The following MAP6 variants were observed in gnomAD, a reference collection of about 807,000 sequenced individuals.
MAP6 encodes the protein microtubule associated protein 6.
Under a neutral mutation model 42.4 loss-of-function variants are expected in MAP6, and 26 were observed. The observed-to-expected ratio is 0.61, with a 90% CI of 0.45 to 0.85. The LOEUF (loss-of-function observed/expected upper bound fraction) is 0.85. Ranked by LOEUF, MAP6 falls within the 40% of genes least tolerant of loss-of-function variation. MAP6 has a pLI of 0.00. For missense variants in MAP6, 966 were observed against 1,099.0 expected (o/e 0.88, Z 1.71); for synonymous variants, 418 against 443.8 (o/e 0.94, Z 0.73).
intron 1 of MAP6, among the ~76,000 whole-genome samples, chr11:75,636,687 G>A (rs926712733): frequency 1.3e-5 from 2 of 152,074 alleles, no homozygotes; most frequent in East Asian, 1.9e-4. Flanking sequence ...ATCACTCCAG[G>A]GCCAGGTACC....
At position 75,667,729 on chromosome 11, in the gene MAP6, TC is replaced by T; in HGVS notation, c.640del (p.Glu214SerfsTer84). ...WPVQAAAEAR[E>X]QEAAPGGAGG... Reference sequence around the variant, plus strand: ...CGCTCCGCCGGGGGCCGCCTCCTGCTCCCGGGCCTCAGCGGCGGCCTGCACT... The same window carrying T: ...CGCTCCGCCGGGGGCCGCCTCCTGCTCCGGGCCTCAGCGGCGGCCTGCACT... On this transcript the variant is annotated frameshift_variant, in exon 1 of 4. Coordinates refer to ENST00000304771, the MANE Select transcript of MAP6 (RefSeq NM_033063.2). LOFTEE classifies it high-confidence loss of function. The surrounding 1 kb of genome is among the most constrained non-coding windows in gnomAD (Gnocchi z 5.6). 1 of 1,299,186 alleles carries T rather than the reference TC, an allele frequency of 7.7e-7. No individual in the cohort carries two copies. The highest frequency in any genetic ancestry group is 9.7e-7 in the Non-Finnish European group (1 of 1,026,230). 80.5% of individuals were successfully genotyped at this position (1,299,186 alleles called of 1,614,324 possible).
intron 1 of MAP6, among the ~76,000 whole-genome samples, chr11:75,658,023 C>A (rs974575617): frequency 6.6e-6 from 1 of 152,186 alleles, no homozygotes; most frequent in African/African-American, 2.4e-5. Context: ...GCCTTCCATA[C>A]CCTGCTATAT....
At chr11:75,625,320 T>G (rs1284345996) in intron 1 of MAP6, among the ~76,000 whole-genome samples, 1 of 152,156 alleles carries the variant, frequency 6.6e-6, no homozygotes, top group Non-Finnish European at 1.5e-5. Flanking sequence ...AAACACCTAG[T>G]CTTTGGGGGA....
intron 1 of MAP6, among the ~76,000 whole-genome samples, chr11:75,626,336 G>C (rs1228951795): frequency 6.6e-6 from 1 of 152,170 alleles, no homozygotes; most frequent in African/African-American, 2.4e-5. Context: ...AAGGCCAGTA[G>C]AGGCAAAGAA....
At chr11:75,660,830 C>T (rs1943831448) in intron 1 of MAP6, among the ~76,000 whole-genome samples, 1 of 151,892 alleles carries the variant, frequency 6.6e-6, no homozygotes, top group Non-Finnish European at 1.5e-5. Context: ...CTGACCTATG[C>T]CTACCTCTCA....
At chr11:75,605,731 G>T in intron 3 of MAP6, 77 bp downstream of exon 3, 20 of 1,570,408 alleles carry the variant, frequency 1.3e-5, no homozygotes, top group South Asian at 6.0e-5. Context: ...GCCTTTTTTG[G>T]TTTGTTGGTT....
intron 1 of MAP6, among the ~76,000 whole-genome samples, chr11:75,654,863 T>A (rs1026861876): frequency 6.6e-6 from 1 of 152,154 alleles, no homozygotes; most frequent in Non-Finnish European, 1.5e-5. Flanking sequence ...TTAAGATGCA[T>A]GATTCAAACC....
Position 75,605,852 on chromosome 11 carries a change from CT to C in MAP6, c.1271del (p.Lys424ArgfsTer7). 1 of 1,614,016 alleles carries C rather than the reference CT, an allele frequency of 6.2e-7. No individual in the cohort carries two copies. The highest frequency in any genetic ancestry group is 2.2e-5 in the East Asian group (1 of 44,876). On this transcript the variant is annotated frameshift_variant, in exon 3 of 4. Transcript: ENST00000304771. LOFTEE classifies it low-confidence loss of function (END_TRUNC). ...TATTGTTCATCTCTTTGCTTTGCTC[CT>C]TGTCGTCTGGCTTGGTGGTACTCGG... ...EGPSTTKPDD[K>X]EQSKEMNNKL...
chr11:75,603,122 T>C, intron 3 of MAP6: 2 of 985,554 alleles, frequency 2.0e-6, no homozygotes, highest in Non-Finnish European at 2.4e-6. Context: ...AAGAAAGCTA[T>C]GTGGACCGAA....
At chr11:75,662,489 C>T (rs1369959971) in intron 1 of MAP6, among the ~76,000 whole-genome samples, 1 of 152,138 alleles carries the variant, frequency 6.6e-6, no homozygotes, top group Non-Finnish European at 1.5e-5. Flanking sequence ...GCAAACCTCA[C>T]CAAGTAATTT....
intron 1 of MAP6, among the ~76,000 whole-genome samples, chr11:75,665,478 G>A (rs749514217): frequency 2.0e-5 from 3 of 152,228 alleles, no homozygotes; most frequent in Non-Finnish European, 2.9e-5. Flanking sequence ...GTGGTGAGAA[G>A]AGACAGCTCC....
chr11:75,606,211 C>A (rs1438939109), intron 2 of MAP6, among the ~76,000 whole-genome samples: 2 of 152,202 alleles, frequency 1.3e-5, no homozygotes, highest in Non-Finnish European at 2.9e-5. Context: ...TTTGGCAGCA[C>A]CCACTGGCCA....
intron 1 of MAP6, among the ~76,000 whole-genome samples, chr11:75,620,982 T>C (rs1431066974): frequency 1.3e-5 from 2 of 151,852 alleles, no homozygotes; most frequent in Non-Finnish European, 1.5e-5. Flanking sequence ...ATACAAAAAA[T>C]TAGCCGGGCG....
intron 1 of MAP6, among the ~76,000 whole-genome samples, chr11:75,633,424 G>A (rs1289442902): frequency 6.6e-6 from 1 of 152,190 alleles, no homozygotes; most frequent in Non-Finnish European, 1.5e-5. Context: ...TCATTAATTT[G>A]TTTAACATAT....
intron 1 of MAP6, among the ~76,000 whole-genome samples, chr11:75,628,558 T>A (rs61895127): frequency 5.3e-5 from 8 of 152,196 alleles, no homozygotes; most frequent in Non-Finnish European, 8.8e-5. Context: ...ACTGTAGGCA[T>A]CTCCTCTGCA....
In MAP6 at chr11:75,587,517, C is replaced by G; in HGVS notation, c.1984G>C (p.Gly662Arg). The change falls in exon 4 of 4, where the codon GGT becomes CGT. Residue 662 changes from glycine to arginine, a missense_variant. Gly to Arg is a moderately radical substitution (Grantham distance 125). Coordinates refer to ENST00000304771, the MANE Select transcript of MAP6 (RefSeq NM_033063.2). The stretch of plus-strand genomic sequence containing the variant: ...TTTACAGGCTCAGAGACCATGGAAC[C>G]TTGATTCTTTATGGGTGCTGTGGCC... ...AMATAPIKNQ[G>R]SMVSEPVKNQ... 1 of 1,614,198 alleles carries G rather than the reference C, an allele frequency of 6.2e-7. No individual in the cohort carries two copies. The highest frequency in any genetic ancestry group is 8.5e-7 in the Non-Finnish European group (1 of 1,180,038).
rs138254818 is a variant in MAP6, at chr11:75,652,408, C to A, written c.905+15057G>T. Among the ~76,000 whole-genome samples the A allele has an allele frequency of 2.0e-5, 3 of 152,276 alleles. No homozygotes were observed. The East Asian group carries it at 5.8e-4, about 29-fold the overall frequency. ...CCCTTCTGTTGGGACCTGCCACCTC[C>A]CTTGCTGCCTGCCTGATTGTTTTGC... On this transcript the variant is annotated intron_variant, in intron 1 of 3. Coordinates refer to ENST00000304771, the MANE Select transcript of MAP6 (RefSeq NM_033063.2).
At position 75,611,712 on chromosome 11, in the gene MAP6, A is replaced by G. The variant is rs556816060; in HGVS notation, c.906-3390T>C. The stretch of plus-strand genomic sequence containing the variant: ...CACATACAACAACTAATATTACGTC[A>G]TAGAAAGAAAATTAGCTACCATTCA... On this transcript the variant is annotated intron_variant, in intron 1 of 3. Transcript: ENST00000304771. 1.1e-4 allele frequency among the ~76,000 whole-genome samples: 17 copies of G among 152,382 alleles called. No homozygotes were observed. The South Asian group carries it at 3.5e-3, about 32-fold the overall frequency.
intron 1 of MAP6, among the ~76,000 whole-genome samples, chr11:75,637,396 A>G (rs2135647140): frequency 6.6e-6 from 1 of 152,320 alleles, no homozygotes; most frequent in Middle Eastern, 3.4e-3. Flanking sequence ...TGACTCATAA[A>G]TAAACATTTA....
Sources: allele counts gnomAD v4.1 joint callset (sites outside exome capture counted in the v4.1 genomes callset), GRCh38; gene constraint gnomAD v4.1.1; non-coding constraint Gnocchi (gnomAD v3.1); transcripts MANE v1.5; gene names NCBI Gene and HGNC (gene_info 2026-07-23, HGNC 2026-07-21).